AHNAK: variants seen among roughly 807,000 people sequenced by gnomAD.
AHNAK encodes the protein neuroblast differentiation-associated protein AHNAK.
AHNAK carries 23 observed loss-of-function variants against 37.8 expected under a neutral mutation model. The ratio of observed to expected loss-of-function variants is 0.61; its 90% CI spans 0.44 to 0.86. The LOEUF is 0.86. Ranked by LOEUF, AHNAK falls within the 40% of genes least tolerant of loss-of-function variation. The probability of loss-of-function intolerance (pLI) is 0.00; values close to 1 mark genes in which losing one functional copy is unlikely to be tolerated. For synonymous variants in AHNAK, 2,481 were observed against 2,636.3 expected, an observed-to-expected ratio of 0.94 and a Z score of 1.80; for missense variants, 7,411 against 7,319.4, an observed-to-expected ratio of 1.01 and a Z score of -0.46.
rs771995934 is a variant in AHNAK, at chr11:62,520,623, A to G, written c.13794T>C (p.Val4598=). The G allele has an allele frequency of 9.9e-6, 16 of 1,613,994 alleles. No individual in the cohort carries two copies. Among genetic ancestry groups the G allele is most frequent in the Non-Finnish European group, 1.2e-5 (14 of 1,180,014 alleles). The change falls in exon 5 of 5, where the codon GTT becomes GTC. Residue 4598 remains valine, a synonymous_variant. Transcript: ENST00000378024. ...CCTTTGGACCTTTCAGATTCAGGTC[A>G]ACTTCAGGCATAGAGATCTTCGGTG... ...LKAPKISMPE[V]DLNLKGPKVK...
chr11:62,485,368 G>A (rs75486585), intron 5 of AHNAK, among the ~76,000 whole-genome samples: 4 of 151,904 alleles, frequency 2.6e-5, no homozygotes, highest in Non-Finnish European at 5.9e-5. Context: ...CTCCAGCTTG[G>A]GTCACAGAGT....
In AHNAK at chr11:62,523,734, C is replaced by G; in HGVS notation, c.10683G>C (p.Val3561=). 1 of 1,613,410 alleles carries G rather than the reference C, an allele frequency of 6.2e-7. No homozygotes were observed. ...NLKGPKVKGD[V]DISLPKLEGD... ...CTTCAAGTTTGGGAAGAGAAATATC[C>G]ACATCACCTTTCACCTTGGGGCCTT... The change falls in exon 5 of 5, where the codon GTG becomes GTC. Residue 3561 remains valine, a synonymous_variant. Transcript: ENST00000378024.
Position 62,525,720 on chromosome 11 carries a change from C to T in AHNAK, c.8697G>A (p.Met2899Ile). ...TGAAGCCAGGCATGCTGAACTTGGG[C>T]ATTTTCATCTTGGGCATCTTCAGGT... Reference protein sequence around the residue: ...DWHLKMPKMKMPKFSMPGFKA... With the variant: ...DWHLKMPKMKIPKFSMPGFKA... The change falls in exon 5 of 5, where the codon ATG becomes ATA. Residue 2899 changes from methionine to isoleucine, a missense_variant. By Grantham distance (10) the Met-to-Ile change is conservative (BLOSUM62 1). Transcript: ENST00000378024. 3 of 1,613,374 alleles carry T rather than the reference C, an allele frequency of 1.9e-6. No individual in the cohort carries two copies. The highest frequency in any genetic ancestry group is 1.7e-4 in the Middle Eastern group (1 of 6,058).
rs1565230827 is a variant in AHNAK, at chr11:62,523,366, T to G, written c.11051A>C (p.Lys3684Thr). 1 of 1,612,902 alleles carries G rather than the reference T, an allele frequency of 6.2e-7. No homozygotes were observed. Among genetic ancestry groups the G allele is most frequent in the Admixed American group, 1.7e-5 (1 of 59,806 alleles). ...PDFDLNLKGP[K>T]MKGDVVVSLP... ...AGACACAACCACATCACCCTTCATT[T>G]TGGGTCCCTTCAAGTTCAGGTCAAA... The change falls in exon 5 of 5, where the codon AAA becomes ACA. Residue 3684 changes from lysine to threonine, a missense_variant. Physicochemically the swap from Lys to Thr is moderately conservative, Grantham distance 78. Coordinates refer to ENST00000378024, the MANE Select transcript of AHNAK (RefSeq NM_001620.3).
chr11:62,543,646 C>G (rs564069368), intron 1 of AHNAK, among the ~76,000 whole-genome samples: 1 of 152,328 alleles, frequency 6.6e-6, no homozygotes, highest in African/African-American at 2.4e-5. Flanking sequence ...CACACTCCCT[C>G]GGGCACACCC....
At chr11:62,539,668 T>C (rs1348193401) in intron 1 of AHNAK, among the ~76,000 whole-genome samples, 1 of 152,196 alleles carries the variant, frequency 6.6e-6, no homozygotes, top group East Asian at 1.9e-4. Context: ...ACCTACGTGG[T>C]TCCTGAGGAG....
rs537087067 is a variant in AHNAK at position 62,474,248 on chromosome 11, G to A, written c.442+17484C>T. On this transcript the variant is annotated intron_variant, in intron 5 of 5. Coordinates refer to the AHNAK transcript ENST00000257247. ...TGCCCAGGCTGGAGTGCAGTGGCAC[G>A]ATCTTGGCTCACTGCAACCTCCACC... 1.3e-3 allele frequency among the ~76,000 whole-genome samples: 193 copies of A among 150,128 alleles called. 3 individuals carry two copies. The highest frequency in any genetic ancestry group is 2.0e-4 in the East Asian group (1 of 5,080).
At position 62,528,770 on chromosome 11, in the gene AHNAK, C is replaced by A; in HGVS notation, c.5647G>T (p.Asp1883Tyr). ...ACACCCACACTGGGGCCTGTTAAAT[C>A]TCCCTCCAATTTTGGCACCGACACA... ...ADVSVPKLEG[D>Y]LTGPSVGVEV... The change falls in exon 5 of 5, where the codon GAT becomes TAT. Residue 1883 changes from aspartate to tyrosine, a missense_variant. Asp to Tyr is a radical substitution (Grantham distance 160, BLOSUM62 -3). Coordinates refer to ENST00000378024, the MANE Select transcript of AHNAK (RefSeq NM_001620.3). 1 of 1,612,340 alleles carries A rather than the reference C, an allele frequency of 6.2e-7. No homozygotes were observed. Among genetic ancestry groups the A allele is most frequent in the Non-Finnish European group, 8.5e-7 (1 of 1,179,610 alleles).
chr11:62,519,934 G>A lies in AHNAK; in HGVS notation c.14483C>T (p.Pro4828Leu), dbSNP rs759739663. ...CTTGGGGCCCTTCAGTTTTGCGTCT[G>A]GACCTTCGATATTCACATCTGGAAT... ...VDIPDVNIEG[P>L]DAKLKGPKFK... Residue 4828 changes from proline (P) to leucine (L), a missense_variant, in exon 5 of 5, where the codon CCA becomes CTA. Physicochemically the swap from Pro to Leu is moderately conservative, Grantham distance 98. Coordinates refer to ENST00000378024, the MANE Select transcript of AHNAK (RefSeq NM_001620.3). 6 of 1,613,690 alleles carry A rather than the reference G, an allele frequency of 3.7e-6. No homozygotes were observed. The African/African-American group carries it at 8.0e-5, about 22-fold the overall frequency.
In AHNAK at chr11:62,532,424, T is replaced by G. The variant is rs969127851; in HGVS notation, c.1993A>C (p.Asn665His). Reference protein sequence around the residue: ...GDISISGPKVNVEAPDVNLEG... With the variant: ...GDISISGPKVHVEAPDVNLEG... ...AAGTTGACATCTGGGGCTTCCACAT[T>G]GACCTTGGGCCCTGAAATACTGATA... is the stretch of plus-strand genomic sequence containing the variant. Residue 665 changes from asparagine (N) to histidine (H), a missense_variant, in exon 5 of 5, where the codon AAT becomes CAT. Transcript: ENST00000378024. 2.5e-5 allele frequency: 41 copies of G among 1,613,960 alleles called. No individual in the cohort carries two copies. Among genetic ancestry groups the G allele is most frequent in the South Asian group, 8.8e-5 (8 of 91,074 alleles).
chr11:62,510,542 G>A (rs553357882), intron 4 of AHNAK, among the ~76,000 whole-genome samples: 61 of 151,802 alleles, frequency 4.0e-4, no homozygotes, highest in African/African-American at 1.4e-3. Flanking sequence ...TCAGGAGTTC[G>A]AGTCCAGCCT....
At chr11:62,452,856 C>G (rs1938571747) in intron 5 of AHNAK, among the ~76,000 whole-genome samples, 1 of 152,060 alleles carries the variant, frequency 6.6e-6, no homozygotes, top group South Asian at 2.1e-4. Flanking sequence ...GAAACCTTCT[C>G]TTTACTAAAA....
intron 1 of AHNAK, among the ~76,000 whole-genome samples, chr11:62,540,375 G>T (rs746381487): frequency 2.3e-4 from 35 of 152,222 alleles, no homozygotes; most frequent in Non-Finnish European, 3.5e-4. Flanking sequence ...GAGTTTTATG[G>T]GATGGCACTG....
Position 62,516,991 on chromosome 11 carries a change from T to G in AHNAK, c.17426A>C (p.Glu5809Ala), listed in dbSNP as rs761871341. ...LEFEGGEVSLEGGKVKGKHGK... is the reference protein window; with the variant it reads ...LEFEGGEVSLAGGKVKGKHGK... ...GTGTTTCCCTTTAACTTTCCCACCT[T>G]CCAGAGACACTTCCCCACCTTCAAA... is the stretch of plus-strand genomic sequence containing the variant. Residue 5809 changes from glutamate to alanine, a missense_variant, in exon 5 of 5, where the codon GAA becomes GCA. Coordinates refer to ENST00000378024, the MANE Select transcript of AHNAK (RefSeq NM_001620.3). 2.5e-6 allele frequency: 4 copies of G among 1,614,166 alleles called. No individual in the cohort carries two copies. Among genetic ancestry groups the G allele is most frequent in the Non-Finnish European group, 3.4e-6 (4 of 1,180,040 alleles).
At chr11:62,511,754 T>A (rs938761147), downstream of AHNAK, among the ~76,000 whole-genome samples, 2 of 151,912 alleles carry the variant, frequency 1.3e-5, no homozygotes, top group African/African-American at 4.8e-5. Flanking sequence ...AGAGACAGAG[T>A]CTTGCTTTGT....
chr11:62,544,779 C>A (rs1048293810), intron 1 of AHNAK, among the ~76,000 whole-genome samples: 1 of 151,536 alleles, frequency 6.6e-6, no homozygotes, highest in Non-Finnish European at 1.5e-5. Context: ...ATTTCCCTCA[C>A]GGGGAGGGGA....
chr11:62,483,502 G>A (rs990212840), intron 5 of AHNAK, among the ~76,000 whole-genome samples: 6 of 152,110 alleles, frequency 3.9e-5, no homozygotes, highest in Middle Eastern at 3.4e-3. Flanking sequence ...CGAGGCGGGC[G>A]GATCACGAGG....
downstream of AHNAK, chr11:62,515,873 C>A (rs930322779): frequency 2.7e-6 from 3 of 1,111,378 alleles, no homozygotes; most frequent in East Asian, 1.3e-4. Flanking sequence ...TTCACGCCCC[C>A]GCAACACAGA....
Position 62,533,783 on chromosome 11 carries a change from A to G in AHNAK, c.634T>C (p.Ser212Pro). Residue 212 changes from serine to proline, a missense_variant, in exon 5 of 5, where the codon TCG becomes CCG. By Grantham distance (74) the Ser-to-Pro change is moderately conservative (BLOSUM62 -1). Coordinates refer to ENST00000378024, the MANE Select transcript of AHNAK (RefSeq NM_001620.3). ...GKTVIRLPSG[S>P]GAASPTGSAV... The stretch of plus-strand genomic sequence containing the variant: ...GAGCCTGTCGGAGAGGCTGCCCCCG[A>G]GCCCGAGGGCAGTCTGATCACGGTC... 6.2e-7 allele frequency: 1 copy of G among 1,614,122 alleles called. No individual in the cohort carries two copies. The highest frequency in any genetic ancestry group is 8.5e-7 in the Non-Finnish European group (1 of 1,180,006).
Sources: allele counts gnomAD v4.1 joint callset (sites outside exome capture counted in the v4.1 genomes callset), GRCh38; gene constraint gnomAD v4.1.1; transcripts MANE v1.5; gene names NCBI Gene and HGNC (gene_info 2026-07-23, HGNC 2026-07-21).